The following MARCO variants were observed in gnomAD, a reference collection of about 807,000 sequenced individuals.
MARCO encodes macrophage receptor MARCO.
Under a neutral mutation model 70.0 loss-of-function variants are expected in MARCO, and 72 were observed. That is an observed-to-expected ratio of 1.03 (90% CI 0.85 to 1.25). MARCO has a LOEUF of 1.25. Among genes scored for constraint, MARCO ranks in the 50% most tolerant of loss-of-function variants. The pLI is 0.00. For synonymous variants in MARCO, 273 were observed against 243.1 expected (o/e 1.12, Z -1.14); for missense variants, 696 against 659.3 (o/e 1.06, Z -0.61).
chr2:118,993,219 G>C lies in MARCO; in HGVS notation c.1348G>C (p.Glu450Gln). ...SGTWGTICDD[E>Q]WQNSDAIVFC... ...TACCTGGGGGACAATTTGCGATGAC[G>C]AGTGGCAAAATTCTGATGCCATTGT... The change falls in exon 16 of 17, where the codon GAG becomes CAG. Residue 450 changes from glutamate (E) to glutamine (Q), a missense_variant. Coordinates refer to ENST00000327097, the MANE Select transcript of MARCO (RefSeq NM_006770.4). 2 of 1,614,112 alleles carry C rather than the reference G, an allele frequency of 1.2e-6. No individual in the cohort carries two copies. The highest frequency in any genetic ancestry group is 1.7e-6 in the Non-Finnish European group (2 of 1,180,006).
intron 6 of MARCO, 136 bp downstream of exon 6, chr2:118,974,701 A>G (rs1163200374): frequency 1.4e-5 from 12 of 861,090 alleles, no homozygotes; most frequent in African/African-American, 1.4e-4. Flanking sequence ...CTGGTGGGAG[A>G]CCCCAGAGGG....
intron 8 of MARCO, 27 bp downstream of exon 8, chr2:118,977,962 G>T: frequency 1.3e-6 from 2 of 1,521,112 alleles, no homozygotes; most frequent in Non-Finnish European, 1.8e-6. Flanking sequence ...GGGTGTCGGT[G>T]CTTGCCAGGA....
chr2:118,952,760 G>A (rs985019802), intron 1 of MARCO: 3 of 152,188 alleles, frequency 2.0e-5, no homozygotes, highest in Admixed American at 6.5e-5. Context: ...ACCGCAAGAG[G>A]TGGTGTGGTG....
intron 12 of MARCO, among the ~76,000 whole-genome samples, chr2:118,983,064 C>T (rs1680424727): frequency 6.6e-6 from 1 of 152,220 alleles, no homozygotes; most frequent in Non-Finnish European, 1.5e-5. Context: ...TCTGCCCTGA[C>T]ATGCAGGGTA....
intron 13 of MARCO, among the ~76,000 whole-genome samples, chr2:118,991,393 T>C (rs996962888): frequency 6.6e-6 from 1 of 152,074 alleles, no homozygotes; most frequent in Admixed American, 6.6e-5. Flanking sequence ...CTCCCAAAGC[T>C]TGGGATTACA....
At chr2:118,993,514 A>T (rs1162846268) in intron 16 of MARCO, among the ~76,000 whole-genome samples, 1 of 152,200 alleles carries the variant, frequency 6.6e-6, no homozygotes, top group African/African-American at 2.4e-5. Flanking sequence ...TCCAGCGCTG[A>T]CAGTGAAGGC....
rs1336179457 is a variant in MARCO, at chr2:118,977,575, TC to T, written c.658+67del. The stretch of plus-strand genomic sequence containing the variant: ...GCATAGCCTGAGGCACTGAGGCAGT[TC>T]CCCCCCACCCCCCATCCTCTTTCCA... On this transcript the variant is annotated intron_variant, in intron 7 of 16. Coordinates refer to ENST00000327097, the MANE Select transcript of MARCO (RefSeq NM_006770.4). 3.1e-4 allele frequency: 438 copies of T among 1,433,376 alleles called. 2 individuals are homozygous for T. In the African/African-American group the frequency reaches 4.1e-3, roughly 14 times the overall value. The allele number at this position is 1,433,376 out of a possible 1,614,324, so 88.8% of individuals were successfully genotyped here. A position where few individuals can be genotyped will look rare whatever the true frequency, so the allele number is the denominator to read the frequency against.
At chr2:118,962,211 TG>T (rs1679962616) in intron 1 of MARCO, among the ~76,000 whole-genome samples, 1 of 152,184 alleles carries the variant, frequency 6.6e-6, no homozygotes, top group African/African-American at 2.4e-5. Context: ...AGCTCTTTTT[TG>T]GTTCTGTATA....
At chr2:118,959,890 T>C (rs1679909561) in intron 1 of MARCO, among the ~76,000 whole-genome samples, 1 of 152,152 alleles carries the variant, frequency 6.6e-6, no homozygotes, top group Admixed American at 6.5e-5. Context: ...TCATATGTTA[T>C]CACTGATATG....
Position 118,974,514 on chromosome 2 carries a change from C to A in MARCO, c.569-7C>A. On this transcript the variant is annotated splice_region_variant and splice_polypyrimidine_tract_variant and intron_variant, in intron 5 of 16. Transcript: ENST00000327097. ...TGGCTTCACTCTGAATTCCCTTTCC[C>A]TTCCAGGCCCCTCGGGACCCCAAGG... 1 of 1,614,006 alleles carries A rather than the reference C, an allele frequency of 6.2e-7. No individual in the cohort carries two copies. Among genetic ancestry groups the A allele is most frequent in the Non-Finnish European group, 8.5e-7 (1 of 1,179,992 alleles).
At chr2:118,987,203 G>A (rs183430088) in intron 12 of MARCO, among the ~76,000 whole-genome samples, 2 of 152,286 alleles carry the variant, frequency 1.3e-5, no homozygotes, top group East Asian at 3.9e-4. Flanking sequence ...GTGATACTTG[G>A]GGAAAGCCAG....
In MARCO at chr2:118,981,617, T is replaced by C. The variant is rs1450269460; in HGVS notation, c.866-4T>C. ...AAATTCCTAAAAGTTCTTTTTCATCTTAGGTTTGGCTGGTTTTCCTGGAGC... is the reference window on the plus strand; with the variant it reads ...AAATTCCTAAAAGTTCTTTTTCATCCTAGGTTTGGCTGGTTTTCCTGGAGC... On this transcript the variant is annotated splice_polypyrimidine_tract_variant and splice_region_variant and intron_variant, in intron 9 of 16. Coordinates refer to ENST00000327097, the MANE Select transcript of MARCO (RefSeq NM_006770.4). 4 of 1,613,538 alleles carry C rather than the reference T, an allele frequency of 2.5e-6. No homozygotes were observed. The highest frequency in any genetic ancestry group is 3.4e-6 in the Non-Finnish European group (4 of 1,179,762).
In MARCO at chr2:118,993,190, G is replaced by A. The variant is rs1331707831; in HGVS notation, c.1319G>A (p.Ser440Asn). The A allele has an allele frequency of 6.2e-7, 1 of 1,614,118 alleles. No individual in the cohort carries two copies. The highest frequency in any genetic ancestry group is 8.5e-7 in the Non-Finnish European group (1 of 1,180,044). ...SNRGRAEVYY[S>N]GTWGTICDDE... ...CGAGGCCGGGCTGAAGTTTACTACA[G>A]TGGTACCTGGGGGACAATTTGCGAT... Residue 440 changes from serine (S) to asparagine (N), a missense_variant, in exon 16 of 17, where the codon AGT becomes AAT. By Grantham distance (46) the Ser-to-Asn change is conservative. Around this residue, in one of 3 missense-constraint regions of MARCO, gnomAD observed 33 missense variants for 59.6 expected, o/e 0.55. Transcript: ENST00000327097.
At chr2:118,943,389 T>C (rs1467591920) in intron 1 of MARCO, among the ~76,000 whole-genome samples, 2 of 152,222 alleles carry the variant, frequency 1.3e-5, no homozygotes, top group African/African-American at 4.8e-5. Context: ...TTTAAGAGAC[T>C]GAAGATGTTC....
At chr2:118,986,596 A>G (rs866056181) in intron 12 of MARCO, among the ~76,000 whole-genome samples, 1,396 of 12,106 alleles carry the variant, frequency 0.12, 79 homozygotes, top group East Asian at 0.31. Context: ...GAAGAAAGAA[A>G]GAAAGAAAGA....
At chr2:118,947,553 A>G (rs978775307) in intron 1 of MARCO, among the ~76,000 whole-genome samples, 3 of 152,210 alleles carry the variant, frequency 2.0e-5, no homozygotes, top group Non-Finnish European at 4.4e-5. Flanking sequence ...TTTGTTGACC[A>G]TGGATACATA....
chr2:118,991,040 C>A (rs1198750146), intron 13 of MARCO, among the ~76,000 whole-genome samples: 1 of 152,158 alleles, frequency 6.6e-6, no homozygotes, highest in Non-Finnish European at 1.5e-5. Flanking sequence ...AGCTTCTCCT[C>A]TCTGCCTCCT....
At chr2:118,986,034 C>A (rs1281266635) in intron 12 of MARCO, among the ~76,000 whole-genome samples, 1 of 152,172 alleles carries the variant, frequency 6.6e-6, no homozygotes, top group Non-Finnish European at 1.5e-5. Flanking sequence ...AATATAATTT[C>A]TTAGTTAATT....
chr2:118,977,243 G>A lies in MARCO; in HGVS notation c.614-228G>A, dbSNP rs567234094. ...GCCATAGCAAGAGCAAACACTGCCT[G>A]GAACTGCCAGGGACTCTGCTGGTTG... On this transcript the variant is annotated intron_variant, in intron 6 of 16. Coordinates refer to ENST00000327097, the MANE Select transcript of MARCO (RefSeq NM_006770.4). Among the ~76,000 whole-genome samples the A allele has an allele frequency of 4.0e-5, 6 of 151,734 alleles. No homozygotes were observed. In the South Asian group the frequency reaches 8.5e-4, roughly 21 times the overall value.
Sources: gnomAD v4.1 joint callset for allele counts (sites outside exome capture counted in the v4.1 genomes callset) on GRCh38, gnomAD v4.1.1 for gene constraint, gnomAD v4.1.1 regional missense constraint, MANE v1.5 for transcripts, NCBI Gene and HGNC (gene_info 2026-07-23, HGNC 2026-07-21) for gene names.